Variants in ROBO2 observed in about 807,000 individuals in gnomAD.
The protein encoded by ROBO2 is roundabout homolog 2.
Under a neutral mutation model 160.8 loss-of-function variants are expected in ROBO2, and 53 were observed. The ratio of observed to expected loss-of-function variants is 0.33; its 90% CI spans 0.26 to 0.41. The LOEUF (loss-of-function observed/expected upper bound fraction) is 0.41, where lower values mean the gene tolerates loss of function less well. ROBO2 is among the 10% of genes least tolerant of loss of function. The pLI, the probability that ROBO2 is intolerant of heterozygous loss-of-function variation, is 1.00. For synonymous variants in ROBO2, 664 were observed against 611.7 expected, an observed-to-expected ratio of 1.09 and a Z score of -1.26; for missense variants, 1,577 against 1,722.4, an observed-to-expected ratio of 0.92 and a Z score of 1.49.
intron 2 of ROBO2, among the ~76,000 whole-genome samples, chr3:77,438,650 G>T (rs1390462042): frequency 6.6e-6 from 1 of 151,576 alleles, no homozygotes. Flanking sequence ...TGTAAATCAA[G>T]CATATTATAT....
At chr3:76,923,407 T>C (rs1187911417) in intron 2 of ROBO2, among the ~76,000 whole-genome samples, 1 of 152,256 alleles carries the variant, frequency 6.6e-6, no homozygotes, top group East Asian at 1.9e-4. Context: ...ACAGTTATTG[T>C]AACTATGAGT....
chr3:77,308,790 C>A (rs564191561), intron 2 of ROBO2, among the ~76,000 whole-genome samples: 1 of 152,244 alleles, frequency 6.6e-6, no homozygotes, highest in African/African-American at 2.4e-5. Flanking sequence ...CTAACTAATT[C>A]TTAGAGAATT....
Position 76,248,285 on chromosome 3 carries a change from C to T in ROBO2, c.109+310683C>T, listed in dbSNP as rs373825855. ...GACTGGATTAAGAAAATGTGGCACA[C>T]ATACATCATGGAATACTATGCAGCC... On this transcript the variant is annotated intron_variant, in intron 2 of 26. Transcript: ENST00000487694. Among the ~76,000 whole-genome samples, 47 of 152,084 alleles carry T rather than the reference C, an allele frequency of 3.1e-4. 2 individuals carry two copies. In the South Asian group the frequency reaches 7.5e-3, roughly 24 times the overall value.
rs530076564 is a variant in ROBO2, at chr3:77,508,578, A to G, written c.807-14197A>G. On this transcript the variant is annotated intron_variant, in intron 5 of 25. Coordinates refer to ENST00000461745, the Ensembl canonical transcript of ROBO2. The stretch of plus-strand genomic sequence containing the variant: ...AGTTCTCTGCATTTTTGGGAACAAT[A>G]ATGTCATTGTTAGTGATAGGTCAGT... 4.1e-4 allele frequency among the ~76,000 whole-genome samples: 62 copies of G among 151,738 alleles called. 1 individual carries two copies. In the South Asian group the frequency reaches 0.012, roughly 29 times the overall value.
At chr3:76,975,395 C>T (rs2059765955) in intron 2 of ROBO2, among the ~76,000 whole-genome samples, 1 of 152,082 alleles carries the variant, frequency 6.6e-6, no homozygotes, top group South Asian at 2.1e-4. Context: ...GTCCCAGCTA[C>T]TTGGGAGGCT....
At chr3:76,637,517 C>G (rs1007357435) in intron 2 of ROBO2, among the ~76,000 whole-genome samples, 1 of 151,636 alleles carries the variant, frequency 6.6e-6, no homozygotes, top group Admixed American at 6.6e-5. Flanking sequence ...GTATATATGG[C>G]GGGGGAGCCA....
intron 2 of ROBO2, among the ~76,000 whole-genome samples, chr3:77,139,598 C>G (rs187230354): frequency 1.3e-5 from 2 of 152,282 alleles, no homozygotes; most frequent in South Asian, 2.1e-4. Context: ...GAAACCAGCT[C>G]AAAGTTAACA....
intron 2 of ROBO2, among the ~76,000 whole-genome samples, chr3:77,437,790 C>T (rs1381494760): frequency 1.3e-5 from 2 of 151,808 alleles, no homozygotes; most frequent in African/African-American, 4.8e-5. Context: ...AGAAGCCTTC[C>T]ATCAAAAATG....
intron 2 of ROBO2, among the ~76,000 whole-genome samples, chr3:77,215,630 G>A (rs914026865): frequency 3.9e-5 from 6 of 152,116 alleles, no homozygotes; most frequent in East Asian, 1.9e-4. Flanking sequence ...GAGGAGCTGC[G>A]TTCCTTTGGA....
At chr3:76,707,539 C>T (rs987834041) in intron 2 of ROBO2, among the ~76,000 whole-genome samples, 7 of 151,854 alleles carry the variant, frequency 4.6e-5, no homozygotes, top group Non-Finnish European at 1.0e-4. Flanking sequence ...GAGCATGCCA[C>T]AAGTTCCCAA....
chr3:76,602,738 A>G (rs1297277933), intron 2 of ROBO2, among the ~76,000 whole-genome samples: 1 of 152,008 alleles, frequency 6.6e-6, no homozygotes, highest in Non-Finnish European at 1.5e-5. Context: ...TCCTCCCATG[A>G]CAGGTGGGAG....
intron 1 of ROBO2, among the ~76,000 whole-genome samples, chr3:77,089,716 C>T (rs544597318): frequency 3.7e-4 from 56 of 152,248 alleles, no homozygotes; most frequent in African/African-American, 1.2e-3. Flanking sequence ...AAATGGACTT[C>T]GTGTTTTCCA....
rs748928378 is a variant in ROBO2 at position 77,493,227 on chromosome 3, T to C, written c.668-17T>C. 1 of 1,611,602 alleles carries C rather than the reference T, an allele frequency of 6.2e-7. No individual in the cohort carries two copies. The highest frequency in any genetic ancestry group is 1.7e-5 in the Admixed American group (1 of 60,010). ...TAGTTTATCTCATTTTACCATTGTT[T>C]CATTTTTTTTTTCAAGAACGACCCA... On this transcript the variant is annotated splice_polypyrimidine_tract_variant and intron_variant, in intron 4 of 25. Transcript: ENST00000461745.
At chr3:77,038,043 A>G (rs1191639059), upstream of ROBO2, among the ~76,000 whole-genome samples, 1 of 152,246 alleles carries the variant, frequency 6.6e-6, no homozygotes, top group African/African-American at 2.4e-5. Context: ...AAAGTTTTCA[A>G]GAATTTTAAT....
chr3:77,026,163 T>C (rs575886322), intron 2 of ROBO2, among the ~76,000 whole-genome samples: 2 of 152,198 alleles, frequency 1.3e-5, no homozygotes, highest in Non-Finnish European at 2.9e-5. Context: ...ATGATATAAC[T>C]CCAACTCCGT....
intron 2 of ROBO2, among the ~76,000 whole-genome samples, chr3:75,950,088 C>T (rs567538125): frequency 1.5e-4 from 23 of 151,884 alleles, no homozygotes; most frequent in Non-Finnish European, 2.5e-4. Flanking sequence ...AATTCATATG[C>T]AATCTCTAAA....
At chr3:76,863,447 G>A (rs1166966) in intron 2 of ROBO2, among the ~76,000 whole-genome samples, 16,438 of 110,310 alleles carry the variant, frequency 0.15, 1,090 homozygotes, top group African/African-American at 0.21. Context: ...CAAAAAAAAA[G>A]AAAAAAGAAA....
intron 2 of ROBO2, among the ~76,000 whole-genome samples, chr3:76,223,932 G>T (rs1559659559): frequency 6.6e-6 from 1 of 152,116 alleles, no homozygotes; most frequent in East Asian, 1.9e-4. Flanking sequence ...ATAAGTAGTG[G>T]GTTAGAAATA....
intron 1 of ROBO2, among the ~76,000 whole-genome samples, chr3:75,930,498 A>G (rs1947488322): frequency 6.6e-6 from 1 of 152,086 alleles, no homozygotes; most frequent in African/African-American, 2.4e-5. Flanking sequence ...TTAAATATTG[A>G]TGTTTCTAAG....
Sources: allele counts gnomAD v4.1 joint callset (sites outside exome capture counted in the v4.1 genomes callset), GRCh38; gene constraint gnomAD v4.1.1; transcripts MANE v1.5; gene names NCBI Gene and HGNC (gene_info 2026-07-23, HGNC 2026-07-21).